Variants in ABCA13 observed in about 807,000 individuals in gnomAD.
ABCA13 encodes ATP-binding cassette sub-family A member 13.
In ABCA13, 476 loss-of-function variants were observed where a neutral mutation model predicts 478.7. The observed-to-expected ratio is 0.99, with a 90% CI of 0.92 to 1.07. The LOEUF (loss-of-function observed/expected upper bound fraction) is 1.07. ABCA13 is among the 50% of genes least tolerant of loss of function. The pLI is 0.00. For synonymous variants in ABCA13, 2,252 were observed against 2,158.9 expected (o/e 1.04, Z -1.20); for missense variants, 6,060 against 5,910.6 (o/e 1.03, Z -0.83).
In ABCA13 at chr7:48,412,399, C is replaced by T. The variant is rs1819388162; in HGVS notation, c.12275C>T (p.Thr4092Ile). Reference sequence around the variant, plus strand: ...GATCTGAAAGACATGGCTTGTGTTACATCCCTGATAAAGATCTATATTCCA... The same window carrying T: ...GATCTGAAAGACATGGCTTGTGTTATATCCCTGATAAAGATCTATATTCCA... ...AHDLKDMACV[T>I]SLIKIYIPQA... Residue 4092 changes from threonine to isoleucine, a missense_variant, in exon 41 of 62, where the codon ACA (threonine) becomes ATA (isoleucine). Physicochemically the swap from Thr to Ile is moderately conservative, Grantham distance 89 (BLOSUM62 -1). This residue lies in a region of ABCA13 where 1,627 missense variants were observed against 1,571.0 expected (regional missense o/e 1.04). Coordinates refer to ENST00000435803, the MANE Select transcript of ABCA13 (RefSeq NM_152701.5). 1 of 1,613,186 alleles carries T rather than the reference C, an allele frequency of 6.2e-7. No individual in the cohort carries two copies.
At chr7:48,191,660 G>A (rs1389442108) in intron 1 of ABCA13, among the ~76,000 whole-genome samples, 2 of 152,068 alleles carry the variant, frequency 1.3e-5, no homozygotes, top group Admixed American at 1.3e-4. Flanking sequence ...CGTCTGCCTC[G>A]GCCTCCCAGA....
In ABCA13 at chr7:48,390,877, T is replaced by G. The variant is rs112304105; in HGVS notation, c.11655-1044T>G. On this transcript the variant is annotated intron_variant, in intron 37 of 61. Transcript: ENST00000435803. ...GGTTGTTTCTCTTTGTCAGTGATTG[T>G]GAACACAGCTGCTGTGAACATTTGT... Among the ~76,000 whole-genome samples, 182 of 152,342 alleles carry G rather than the reference T, an allele frequency of 1.2e-3. 1 individual carries two copies. The highest frequency in any genetic ancestry group is 4.1e-3 in the African/African-American group (172 of 41,578).
In ABCA13 at chr7:48,192,943, T is replaced by A. The variant is rs1398471673; in HGVS notation, c.70-16T>A. 2.0e-6 allele frequency: 3 copies of A among 1,490,376 alleles called. No homozygotes were observed. The Admixed American group carries it at 7.1e-5, about 35-fold the overall frequency. The allele number at this position is 1,490,376 out of a possible 1,614,324, so 92.3% of individuals were successfully genotyped here. On this transcript the variant is annotated splice_polypyrimidine_tract_variant and intron_variant, in intron 1 of 61. Coordinates refer to ENST00000435803, the MANE Select transcript of ABCA13 (RefSeq NM_152701.5). ...CAATTTATTCAGGTGATTTTTTTTT[T>A]TTTTTAATTTTCTAGGTCCTTTTCC...
At chr7:48,377,286 G>T (rs889196421) in intron 35 of ABCA13, among the ~76,000 whole-genome samples, 2 of 151,746 alleles carry the variant, frequency 1.3e-5, no homozygotes, top group African/African-American at 4.8e-5. Flanking sequence ...TTTGGTTCAG[G>T]CCCGAAAGAG....
chr7:48,614,844 A>G (rs1585989896), intron 58 of ABCA13, among the ~76,000 whole-genome samples: 1 of 133,438 alleles, frequency 7.5e-6, no homozygotes, highest in Non-Finnish European at 1.6e-5. Flanking sequence ...ATGAGAACAC[A>G]TGGACACAGG....
intron 5 of ABCA13, among the ~76,000 whole-genome samples, chr7:48,225,640 C>T (rs1788097149): frequency 6.6e-6 from 1 of 152,088 alleles, no homozygotes; most frequent in Non-Finnish European, 1.5e-5. Context: ...TTGAATAGAT[C>T]ACTTATTTTG....
intron 51 of ABCA13, among the ~76,000 whole-genome samples, chr7:48,513,383 T>G (rs558242215): frequency 6.6e-6 from 1 of 152,348 alleles, no homozygotes; most frequent in East Asian, 1.9e-4. Flanking sequence ...TCAAGGACAA[T>G]TTGTTATTTA....
At chr7:48,245,754 T>C (rs1791568297) in intron 12 of ABCA13, 109 bp from the exon 13 acceptor site, 1 of 1,429,324 alleles carries the variant, frequency 7.0e-7, no homozygotes, top group African/African-American at 1.4e-5. Flanking sequence ...CTTTATGTTG[T>C]GTTTAAAATG....
rs1208282385 is a variant in ABCA13, at chr7:48,275,391, G to A, written c.5725G>A (p.Val1909Ile). ...TCTGGAGCTCTCTGAAGTCTTCCATGTTAACATTTCTCTTGTGAAAACTGT... is the reference window on the plus strand; with the variant it reads ...TCTGGAGCTCTCTGAAGTCTTCCATATTAACATTTCTCTTGTGAAAACTGT... ...ILLELSEVFH[V>I]NISLVKTVQK... Residue 1909 changes from valine (V) to isoleucine (I), a missense_variant, in exon 17 of 62, where the codon GTT becomes ATT. By Grantham distance (29) the Val-to-Ile change is conservative. Coordinates refer to ENST00000435803, the MANE Select transcript of ABCA13 (RefSeq NM_152701.5). 2 of 1,613,946 alleles carry A rather than the reference G, an allele frequency of 1.2e-6. No homozygotes were observed. Among genetic ancestry groups the A allele is most frequent in the Non-Finnish European group, 1.7e-6 (2 of 1,179,872 alleles).
At chr7:48,469,079 C>T (rs1827192520) in intron 44 of ABCA13, among the ~76,000 whole-genome samples, 1 of 152,202 alleles carries the variant, frequency 6.6e-6, no homozygotes, top group African/African-American at 2.4e-5. Context: ...TGGTCACTTT[C>T]CTCACCCATT....
At chr7:48,249,065 G>A (rs1792131015) in intron 14 of ABCA13, 147 bp from the exon 15 acceptor site, 1 of 652,594 alleles carries the variant, frequency 1.5e-6, no homozygotes, top group Admixed American at 3.7e-5. Flanking sequence ...TAAAAAATTA[G>A]TAGAACTATT....
chr7:48,520,505 C>T (rs937907044), intron 53 of ABCA13, among the ~76,000 whole-genome samples: 12 of 152,170 alleles, frequency 7.9e-5, no homozygotes, highest in African/African-American at 2.9e-4. Context: ...AGGTGACAAA[C>T]TGTGAGATGA....
At chr7:48,394,211 A>C (rs1816495337) in intron 38 of ABCA13, among the ~76,000 whole-genome samples, 1 of 152,102 alleles carries the variant, frequency 6.6e-6, no homozygotes, top group South Asian at 2.1e-4. Flanking sequence ...CTATTGTCTC[A>C]GATTTATTAT....
At chr7:48,536,070 T>C (rs908431543) in intron 55 of ABCA13, among the ~76,000 whole-genome samples, 4 of 152,194 alleles carry the variant, frequency 2.6e-5, no homozygotes, top group Non-Finnish European at 4.4e-5. Context: ...GTAATTCTTG[T>C]AGCAAAAGTT....
At chr7:48,529,762 CTCTT>C (rs1206905171) in intron 55 of ABCA13, among the ~76,000 whole-genome samples, 3 of 146,120 alleles carry the variant, frequency 2.1e-5, no homozygotes, top group Non-Finnish European at 4.5e-5. Flanking sequence ...ATTTGACAAT[CTCTT>C]TTTTTTTACA....
intron 9 of ABCA13, among the ~76,000 whole-genome samples, chr7:48,240,087 T>G (rs1278767408): frequency 1.3e-5 from 2 of 152,078 alleles, no homozygotes; most frequent in African/African-American, 4.8e-5. Flanking sequence ...TGTTTTTCCT[T>G]AAAGAACACA....
chr7:48,185,717 TA>T (rs1796265711), intron 1 of ABCA13, among the ~76,000 whole-genome samples: 1 of 152,148 alleles, frequency 6.6e-6, no homozygotes, highest in South Asian at 2.1e-4. Flanking sequence ...ATATGTTATT[TA>T]AAAACACTTT....
chr7:48,553,751 G>A (rs1450902362), intron 55 of ABCA13, among the ~76,000 whole-genome samples: 3 of 151,852 alleles, frequency 2.0e-5, no homozygotes, highest in Non-Finnish European at 2.9e-5. Context: ...TTTCTCCCAT[G>A]CTTTGGGCTG....
chr7:48,396,983 A>G (rs1207135812), intron 38 of ABCA13, among the ~76,000 whole-genome samples: 1 of 152,210 alleles, frequency 6.6e-6, no homozygotes, highest in East Asian at 1.9e-4. Flanking sequence ...CAAGATCACA[A>G]ACACAGAATA....
Sources: gnomAD v4.1 joint callset for allele counts (sites outside exome capture counted in the v4.1 genomes callset) on GRCh38, gnomAD v4.1.1 for gene constraint, gnomAD v4.1.1 regional missense constraint, MANE v1.5 for transcripts, NCBI Gene and HGNC (gene_info 2026-07-23, HGNC 2026-07-21) for gene names.